THSD7A: variants seen among roughly 807,000 people sequenced by gnomAD.
The protein encoded by THSD7A is thrombospondin type 1 domain containing 7A.
THSD7A carries 96 observed loss-of-function variants against 231.3 expected under a neutral mutation model. That is an observed-to-expected ratio of 0.41 (90% CI 0.35 to 0.49). THSD7A has a LOEUF of 0.49. Among genes scored for constraint, THSD7A ranks in the 20% least tolerant of loss-of-function variants. The probability of loss-of-function intolerance (pLI) is 0.05; values close to 1 mark genes in which losing one functional copy is unlikely to be tolerated. For synonymous variants in THSD7A, 940 were observed against 743.3 expected (o/e 1.26, Z -4.30); for missense variants, 2,290 against 2,070.2 (o/e 1.11, Z -2.06).
At chr7:11,736,049 T>C (rs1044547114) in intron 1 of THSD7A, among the ~76,000 whole-genome samples, 2 of 151,896 alleles carry the variant, frequency 1.3e-5, no homozygotes, top group African/African-American at 4.8e-5. Context: ...AGTTCAACAA[T>C]GCATTTCTAA....
chr7:11,744,983 G>A (rs1358223114), intron 1 of THSD7A, among the ~76,000 whole-genome samples: 1 of 151,880 alleles, frequency 6.6e-6, no homozygotes, highest in Non-Finnish European at 1.5e-5. Flanking sequence ...GGGTCAAATG[G>A]TATTTCTAGT....
At chr7:11,419,463 C>T (rs2115402522) in intron 16 of THSD7A, among the ~76,000 whole-genome samples, 1 of 152,308 alleles carries the variant, frequency 6.6e-6, no homozygotes, top group South Asian at 2.1e-4. Flanking sequence ...TAAGTCTCCT[C>T]ATGCCTCCCC....
chr7:11,621,237 C>A (rs977195418), intron 2 of THSD7A, among the ~76,000 whole-genome samples: 1 of 152,142 alleles, frequency 6.6e-6, no homozygotes, highest in African/African-American at 2.4e-5. Context: ...TTACAGTTGT[C>A]AAAATTAACC....
intron 1 of THSD7A, among the ~76,000 whole-genome samples, chr7:11,830,752 G>A (rs1047381058): frequency 1.3e-4 from 20 of 152,206 alleles, no homozygotes; most frequent in Non-Finnish European, 5.9e-5. Context: ...ATGGGCTGAA[G>A]CAGGAAAAGA....
chr7:11,484,211 C>T (rs985911768), intron 6 of THSD7A, among the ~76,000 whole-genome samples: 1 of 152,010 alleles, frequency 6.6e-6, no homozygotes, highest in Admixed American at 6.6e-5. Context: ...CTGTACCATC[C>T]CCAACCCTTC....
intron 11 of THSD7A, among the ~76,000 whole-genome samples, chr7:11,450,870 G>T (rs1246042141): frequency 1.3e-5 from 2 of 151,946 alleles, no homozygotes; most frequent in African/African-American, 4.8e-5. Flanking sequence ...AATTCACCAT[G>T]AAAGCTTCTC....
At chr7:11,624,578 G>C (rs1210614228) in intron 2 of THSD7A, among the ~76,000 whole-genome samples, 4 of 151,992 alleles carry the variant, frequency 2.6e-5, no homozygotes, top group Non-Finnish European at 4.4e-5. Flanking sequence ...GGAGGAACTG[G>C]TCAAATTCTA....
chr7:11,726,873 C>T (rs1349306349), intron 1 of THSD7A, among the ~76,000 whole-genome samples: 1 of 151,862 alleles, frequency 6.6e-6, no homozygotes, highest in Non-Finnish European at 1.5e-5. Context: ...CTAGATTACC[C>T]TTTCAGTCAT....
intron 2 of THSD7A, among the ~76,000 whole-genome samples, chr7:11,635,393 C>G (rs1360375819): frequency 6.6e-6 from 1 of 152,146 alleles, no homozygotes; most frequent in South Asian, 2.1e-4. Context: ...CAGAGAACAT[C>G]ATGTCTTTCA....
chr7:11,731,642 A>C (rs1259719905), intron 1 of THSD7A, among the ~76,000 whole-genome samples: 2 of 151,540 alleles, frequency 1.3e-5, no homozygotes, highest in Non-Finnish European at 3.0e-5. Flanking sequence ...TAATTGCCTG[A>C]TCTAAATAAA....
At chr7:11,805,052 C>T (rs373139111) in intron 1 of THSD7A, among the ~76,000 whole-genome samples, 11 of 152,122 alleles carry the variant, frequency 7.2e-5, no homozygotes, top group African/African-American at 2.4e-4. Flanking sequence ...AATCTAGGGC[C>T]GATATTGTAG....
At chr7:11,572,075 T>C (rs1369995342) in intron 4 of THSD7A, among the ~76,000 whole-genome samples, 5 of 152,174 alleles carry the variant, frequency 3.3e-5, no homozygotes, top group Non-Finnish European at 7.3e-5. Flanking sequence ...CATTAATCAC[T>C]GAATCTCTGT....
intron 6 of THSD7A, among the ~76,000 whole-genome samples, chr7:11,530,716 T>TA (rs1339253809): frequency 6.6e-6 from 1 of 152,082 alleles, no homozygotes; most frequent in Non-Finnish European, 1.5e-5. Context: ...AGGAAGCCAG[T>TA]AAAAAACTTC....
At chr7:11,591,520 A>T (rs948851148) in intron 3 of THSD7A, among the ~76,000 whole-genome samples, 5 of 152,164 alleles carry the variant, frequency 3.3e-5, no homozygotes, top group Non-Finnish European at 7.3e-5. Context: ...GTGCAAATGG[A>T]TGTGCAAATA....
chr7:11,800,898 TACACAC>T (rs148353566), intron 1 of THSD7A, among the ~76,000 whole-genome samples: 1 of 151,930 alleles, frequency 6.6e-6, no homozygotes, highest in Admixed American at 6.6e-5. Flanking sequence ...AACACACACA[TACACAC>T]ACACACAAAG....
chr7:11,649,002 C>G (rs1782392104), intron 1 of THSD7A, among the ~76,000 whole-genome samples: 1 of 151,954 alleles, frequency 6.6e-6, no homozygotes, highest in Non-Finnish European at 1.5e-5. Flanking sequence ...GCTGTTCATG[C>G]CTTTTTATAG....
chr7:11,689,611 T>C lies in THSD7A; in HGVS notation c.191-52650A>G, dbSNP rs192647814. ...TTAATGTCAGGGGCCATTTTCGTCC[T>C]ACTTCTTTGGTCATATTTCTTTAGA... On this transcript the variant is annotated intron_variant, in intron 1 of 27. Coordinates refer to ENST00000423059, the MANE Select transcript of THSD7A (RefSeq NM_015204.3). Among the ~76,000 whole-genome samples the C allele has an allele frequency of 6.1e-4, 92 of 151,830 alleles. 2 individuals carry two copies. The highest frequency in any genetic ancestry group is 2.0e-3 in the African/African-American group (84 of 41,500).
chr7:11,384,150 T>C (rs1443740153), intron 23 of THSD7A: 2 of 151,696 alleles, frequency 1.3e-5, no homozygotes, highest in Non-Finnish European at 2.9e-5. Flanking sequence ...AATAAATTAA[T>C]AAATATTATA....
At chr7:11,702,735 T>C (rs1780644437) in intron 1 of THSD7A, among the ~76,000 whole-genome samples, 1 of 151,238 alleles carries the variant, frequency 6.6e-6, no homozygotes, top group Admixed American at 6.6e-5. Flanking sequence ...GTGTCAGTTC[T>C]TTCATCCTTA....
Sources: allele counts gnomAD v4.1 joint callset (sites outside exome capture counted in the v4.1 genomes callset), GRCh38; gene constraint gnomAD v4.1.1; transcripts MANE v1.5; gene names NCBI Gene and HGNC (gene_info 2026-07-23, HGNC 2026-07-21).